LARP4B: variants seen among roughly 807,000 people sequenced by gnomAD.
LARP4B encodes the protein La ribonucleoprotein 4B.
In LARP4B, 12 loss-of-function variants were observed where a neutral mutation model predicts 89.8. That is an observed-to-expected ratio of 0.13 (90% confidence interval 0.09 to 0.22). LARP4B has a LOEUF of 0.22. Ranked by LOEUF, LARP4B falls within the 10% of genes least tolerant of loss-of-function variation. LARP4B has a pLI of 1.00. For missense variants in LARP4B, 757 were observed against 947.7 expected, an observed-to-expected ratio of 0.80 and a Z score of 2.64; for synonymous variants, 367 against 363.3, an observed-to-expected ratio of 1.01 and a Z score of -0.12.
intron 14 of LARP4B, 112 bp from the exon 15 acceptor site, chr10:818,001 C>G (rs1832153626): frequency 1.9e-6 from 2 of 1,044,412 alleles, no homozygotes; most frequent in Non-Finnish European, 2.8e-6. Context: ...TCATTCAACC[C>G]AGACAAGGGC....
chr10:836,031 G>A (rs986533019), intron 8 of LARP4B, among the ~76,000 whole-genome samples: 1 of 151,962 alleles, frequency 6.6e-6, no homozygotes, highest in Admixed American at 6.6e-5. Context: ...AGTTATTCAC[G>A]ATGCCCCTTT....
At chr10:868,767 A>G (rs1835043179) in intron 3 of LARP4B, among the ~76,000 whole-genome samples, 1 of 152,268 alleles carries the variant, frequency 6.6e-6, no homozygotes, top group Non-Finnish European at 1.5e-5. Context: ...TTGATGGATC[A>G]TTCCTTACAC....
In LARP4B at chr10:814,738, G is replaced by A. The variant is rs1831937117; in HGVS notation, c.1929+4C>T. ...GTGCAGGAAGGCAGGCACGAGGTAC[G>A]TACCGTGGCGGCTCCGTTCACCTGC... On this transcript the variant is annotated splice_donor_region_variant and intron_variant, in intron 17 of 17. Transcript: ENST00000316157. This position sits in a 1 kb window ranked among gnomAD's most constrained non-coding sequence, Gnocchi z 4.4. 2.5e-6 allele frequency: 4 copies of A among 1,585,654 alleles called. No individual in the cohort carries two copies. Among genetic ancestry groups the A allele is most frequent in the Admixed American group, 1.8e-5 (1 of 56,442 alleles).
At chr10:845,167 G>C in intron 5 of LARP4B, 112 bp from the exon 6 acceptor site, 1 of 687,398 alleles carries the variant, frequency 1.5e-6, no homozygotes. Flanking sequence ...AACTACGTAA[G>C]TGTATCCTAA....
At chr10:845,607 G>A (rs986529929) in intron 5 of LARP4B, among the ~76,000 whole-genome samples, 1 of 152,160 alleles carries the variant, frequency 6.6e-6, no homozygotes, top group African/African-American at 2.4e-5. Context: ...AAATAAACCA[G>A]ATCTTCAAGA....
chr10:957,075 A>C, the LARP4B span, among the ~76,000 whole-genome samples: 4 of 152,326 alleles, frequency 2.6e-5, no homozygotes, highest in African/African-American at 9.6e-5. Context: ...AGCCCTGCTC[A>C]CTGTTCAGAA....
chr10:838,436 A>G (rs778353314), intron 7 of LARP4B, among the ~76,000 whole-genome samples: 1 of 152,230 alleles, frequency 6.6e-6, no homozygotes, highest in Non-Finnish European at 1.5e-5. Flanking sequence ...AAAATGAACA[A>G]GATTAAAAAA....
At chr10:972,969 T>C in the LARP4B span, 1 of 433,884 alleles carries the variant, frequency 2.3e-6, no homozygotes, top group Non-Finnish European at 4.7e-6. Context: ...TTCCTCCCCG[T>C]GCAGTAGGCG....
chr10:973,260 A>C, the LARP4B span, among the ~76,000 whole-genome samples: 1 of 151,870 alleles, frequency 6.6e-6, no homozygotes, highest in Non-Finnish European at 1.5e-5. Flanking sequence ...GGATAGCACA[A>C]CCTCTTCCTC....
intron 3 of LARP4B, among the ~76,000 whole-genome samples, chr10:883,042 T>C (rs369795095): frequency 6.6e-6 from 1 of 152,216 alleles, no homozygotes; most frequent in East Asian, 1.9e-4. Flanking sequence ...ATGCCTACAA[T>C]AGGTTTCTAA....
chr10:818,847 T>G (rs986768576), intron 14 of LARP4B: 2 of 152,210 alleles, frequency 1.3e-5, no homozygotes, highest in Non-Finnish European at 2.9e-5. Context: ...TTCTCCAAAG[T>G]TTATACACAG....
chr10:827,104 T>C (rs1426026398), intron 11 of LARP4B, among the ~76,000 whole-genome samples: 1 of 152,008 alleles, frequency 6.6e-6, no homozygotes, highest in Non-Finnish European at 1.5e-5. Context: ...TGAAACCCCG[T>C]CTCTACTAAA....
chr10:886,846 T>A (rs760154038), intron 1 of LARP4B, among the ~76,000 whole-genome samples: 16 of 152,098 alleles, frequency 1.1e-4, no homozygotes, highest in Non-Finnish European at 1.6e-4. Context: ...TCCCAGCAGT[T>A]TGGGAGGCCA....
At chr10:930,511 C>T (rs1564450695) in intron 1 of LARP4B, among the ~76,000 whole-genome samples, 1 of 152,136 alleles carries the variant, frequency 6.6e-6, no homozygotes, top group African/African-American at 2.4e-5. Context: ...GTTTTAAGAA[C>T]GTTTTACGTA....
At chr10:840,160 C>T (rs567974935) in intron 7 of LARP4B, among the ~76,000 whole-genome samples, 6 of 152,092 alleles carry the variant, frequency 3.9e-5, no homozygotes, top group Non-Finnish European at 5.9e-5. Context: ...TGTTTGGTAT[C>T]GTGATTGTGG....
At chr10:935,191 C>T (rs1056596829), upstream of LARP4B, among the ~76,000 whole-genome samples, 1 of 152,174 alleles carries the variant, frequency 6.6e-6, no homozygotes, top group African/African-American at 2.4e-5. Flanking sequence ...AAAATACAGA[C>T]TTTACACTCC....
At chr10:851,011 A>G (rs147079568) in intron 5 of LARP4B, among the ~76,000 whole-genome samples, 9 of 152,264 alleles carry the variant, frequency 5.9e-5, no homozygotes, top group African/African-American at 2.2e-4. Flanking sequence ...TATATCAGAA[A>G]ATAAGAAAGG....
chr10:832,763 CAT>C (rs1471779628), intron 8 of LARP4B, among the ~76,000 whole-genome samples: 1 of 152,066 alleles, frequency 6.6e-6, no homozygotes, highest in Non-Finnish European at 1.5e-5. Flanking sequence ...TTTTCCCAAA[CAT>C]ACTAAAGCTG....
the LARP4B span, among the ~76,000 whole-genome samples, chr10:954,364 CG>C: frequency 6.6e-6 from 1 of 151,906 alleles, no homozygotes; most frequent in African/African-American, 2.4e-5. The surrounding 1 kb of genome is among the most constrained non-coding windows in gnomAD (Gnocchi z 5.0). Context: ...TGGACGCGGA[CG>C]AAAAGGGGGC....
Sources: allele counts gnomAD v4.1 joint callset (sites outside exome capture counted in the v4.1 genomes callset), GRCh38; gene constraint gnomAD v4.1.1; non-coding constraint Gnocchi (gnomAD v3.1); transcripts MANE v1.5; gene names NCBI Gene and HGNC (gene_info 2026-07-23, HGNC 2026-07-21).